Variants in MAPK13 observed in about 807,000 individuals in gnomAD.
MAPK13 encodes mitogen-activated protein kinase 13, also known as MAP kinase 13.
In MAPK13, 39 loss-of-function variants were observed where a neutral mutation model predicts 53.5. The observed-to-expected ratio is 0.73, with a 90% CI of 0.56 to 0.95. The LOEUF is 0.95. Among genes scored for constraint, MAPK13 ranks in the 40% least tolerant of loss-of-function variants. The pLI is 0.00. For missense variants in MAPK13, 460 were observed against 471.8 expected (o/e 0.98, Z 0.23); for synonymous variants, 179 against 190.9 (o/e 0.94, Z 0.51).
chr6:36,138,580 G>A (rs1766466478), intron 9 of MAPK13, 122 bp from the exon 10 acceptor site: 1 of 1,276,444 alleles, frequency 7.8e-7, no homozygotes, highest in Admixed American at 1.9e-5. Flanking sequence ...AGGCACTCTT[G>A]TCTTAATCTC....
intron 3 of MAPK13, among the ~76,000 whole-genome samples, chr6:36,133,372 G>C (rs570373071): frequency 2.8e-4 from 42 of 152,314 alleles, no homozygotes; most frequent in African/African-American, 9.4e-4. Flanking sequence ...CGGAGGCAGA[G>C]GGGGAGAGCC....
At chr6:36,139,273 A>C (rs769266698) in intron 11 of MAPK13, 21 bp from the exon 12 acceptor site, 3 of 1,611,056 alleles carry the variant, frequency 1.9e-6, no homozygotes, top group Non-Finnish European at 2.5e-6. Flanking sequence ...TACGCACCTT[A>C]AACCATGCTG....
Position 36,143,270 on chromosome 6 carries a change from C to CT in MAPK13, c.*3897_*3898insT, listed in dbSNP as rs1215291119. 2 of 151,994 alleles carry CT rather than the reference C, an allele frequency of 1.3e-5. No individual in the cohort carries two copies. Among genetic ancestry groups the CT allele is most frequent in the East Asian group, 1.9e-4 (1 of 5,144 alleles). 9.4% of individuals were successfully genotyped at this position (151,994 alleles called of 1,614,324 possible). On this transcript the variant is annotated 3_prime_UTR_variant, in exon 12 of 12. Transcript: ENST00000211287. ...GGCGTGGATTGGGGTGGTGCTGCCCCCAGTGAGGGGCAGCACAAGGGGAGA... is the reference window on the plus strand; with the variant it reads ...GGCGTGGATTGGGGTGGTGCTGCCCCTCAGTGAGGGGCAGCACAAGGGGAGA...
chr6:36,131,152 T>G, intron 1 of MAPK13, 119 bp from the exon 2 acceptor site: 4 of 1,216,784 alleles, frequency 3.3e-6, no homozygotes, highest in Non-Finnish European at 4.5e-6. Context: ...CTCCCCCATA[T>G]TCTAGGTGGT....
Position 36,139,976 on chromosome 6 carries a change from T to C in MAPK13, c.*603T>C, listed in dbSNP as rs1441561469. ...TTGGATTTAGGGCCCACCCTAATCC[T>C]GTGTGATCTTATCTTGATCCTTATT... On this transcript the variant is annotated 3_prime_UTR_variant, in exon 12 of 12. Transcript: ENST00000211287. 3 of 152,650 alleles carry C rather than the reference T, an allele frequency of 2.0e-5. No homozygotes were observed. Among genetic ancestry groups the C allele is most frequent in the African/African-American group, 7.2e-5 (3 of 41,474 alleles). 9.5% of individuals were successfully genotyped at this position (152,650 alleles called of 1,614,324 possible).
rs1460645651 is a variant in MAPK13, at chr6:36,144,495, T to A, written c.*5122T>A. 6.6e-6 allele frequency: 1 copy of A among 152,242 alleles called. No homozygotes were observed. Among genetic ancestry groups the A allele is most frequent in the East Asian group, 1.9e-4 (1 of 5,204 alleles). 9.4% of individuals were successfully genotyped at this position (152,242 alleles called of 1,614,324 possible). On this transcript the variant is annotated 3_prime_UTR_variant, in exon 12 of 12. Coordinates refer to ENST00000211287, the MANE Select transcript of MAPK13 (RefSeq NM_002754.5). ...TCATAACCAAGGAAATAGAAATGACTGAAAATAAAGTTGTATTCTATTCCA... is the reference window on the plus strand; with the variant it reads ...TCATAACCAAGGAAATAGAAATGACAGAAAATAAAGTTGTATTCTATTCCA...
In MAPK13 at chr6:36,136,700, T is replaced by A. The variant is rs1435995476; in HGVS notation, c.540T>A (p.Thr180=). ...CGCGACATGCAGACGCCGAGATGAC[T>A]GGCTACGTGGTGACCCGCTGGTACC... The part of the protein sequence containing the change: ...GLARHADAEM[T]GYVVTRWYRA... Residue 180 remains threonine, a synonymous_variant, in exon 7 of 12, where the codon ACT becomes ACA. Coordinates refer to ENST00000211287, the MANE Select transcript of MAPK13 (RefSeq NM_002754.5). 6.2e-7 allele frequency: 1 copy of A among 1,613,954 alleles called. No homozygotes were observed. The highest frequency in any genetic ancestry group is 8.5e-7 in the Non-Finnish European group (1 of 1,179,984).
Position 36,139,391 on chromosome 6 carries a change from C to T in MAPK13, c.*18C>T. 6.2e-7 allele frequency: 1 copy of T among 1,610,184 alleles called. No homozygotes were observed. The highest frequency in any genetic ancestry group is 1.1e-5 in the South Asian group (1 of 90,978). On this transcript the variant is annotated 3_prime_UTR_variant, in exon 12 of 12. Coordinates refer to ENST00000211287, the MANE Select transcript of MAPK13 (RefSeq NM_002754.5). ...AGCTGTAGGGACTCATCTTGCATGGCACCGCCGGCCAGACACTGCCCAAGG... is the reference window on the plus strand; with the variant it reads ...AGCTGTAGGGACTCATCTTGCATGGTACCGCCGGCCAGACACTGCCCAAGG...
Position 36,135,800 on chromosome 6 carries a change from G to A in MAPK13, c.356G>A (p.Gly119Glu), listed in dbSNP as rs751919900. The change falls in exon 4 of 12, where the codon GGG (glycine) becomes GAG (glutamate). Residue 119 changes from glycine to glutamate, a missense_variant. By Grantham distance (98) the Gly-to-Glu change is moderately conservative (BLOSUM62 -2). Coordinates refer to ENST00000211287, the MANE Select transcript of MAPK13 (RefSeq NM_002754.5). The stretch of plus-strand genomic sequence containing the variant: ...CAGACGGATCTGCAGAAGATCATGG[G>A]GATGGAGTTCAGTGAGGAGAAGATC... ...FMQTDLQKIM[G>E]MEFSEEKIQY... 2 of 1,614,094 alleles carry A rather than the reference G, an allele frequency of 1.2e-6. No individual in the cohort carries two copies. Among genetic ancestry groups the A allele is most frequent in the Middle Eastern group, 1.7e-4 (1 of 6,058 alleles).
rs1288349190 is a variant in MAPK13 at position 36,139,561 on chromosome 6, C to A, written c.*188C>A. 3.5e-6 allele frequency: 2 copies of A among 578,648 alleles called. No homozygotes were observed. The highest frequency in any genetic ancestry group is 6.2e-6 in the Non-Finnish European group (2 of 323,604). 35.8% of individuals were successfully genotyped at this position (578,648 alleles called of 1,614,324 possible). On this transcript the variant is annotated 3_prime_UTR_variant, in exon 12 of 12. Transcript: ENST00000211287. ...TCGGTTGGGAGAAACTAGCTCTGATCCTAACAGGCCACGTTAAACTGCCCA... is the reference window on the plus strand; with the variant it reads ...TCGGTTGGGAGAAACTAGCTCTGATACTAACAGGCCACGTTAAACTGCCCA...
At position 36,136,542 on chromosome 6, in the gene MAPK13, T is replaced by C; in HGVS notation, c.495+11T>C. The C allele has an allele frequency of 6.2e-7, 1 of 1,602,688 alleles. No individual in the cohort carries two copies. Among genetic ancestry groups the C allele is most frequent in the South Asian group, 1.1e-5 (1 of 88,962 alleles). Reference sequence around the variant, plus strand: ...GACTGTGAACTGAAGGTGAGTGGGCTGCAGGCTCAGCCCAGAGGCGGGATA... The same window carrying C: ...GACTGTGAACTGAAGGTGAGTGGGCCGCAGGCTCAGCCCAGAGGCGGGATA... On this transcript the variant is annotated intron_variant, in intron 6 of 11. Transcript: ENST00000211287.
intron 8 of MAPK13, among the ~76,000 whole-genome samples, chr6:36,137,782 C>G (rs967808417): frequency 3.3e-5 from 5 of 151,352 alleles, no homozygotes; most frequent in Non-Finnish European, 1.5e-5. Context: ...CCAACGTGGT[C>G]AAACCCCATC....
rs1253442385 is a variant in MAPK13 at position 36,144,381 on chromosome 6, TAG to T, written c.*5010_*5011del. 5 of 564 alleles carry T rather than the reference TAG, an allele frequency of 8.9e-3. No individual in the cohort carries two copies. Among genetic ancestry groups the T allele is most frequent in the African/African-American group, 0.038 (4 of 104 alleles). 0.0% of individuals were successfully genotyped at this position (564 alleles called of 1,614,324 possible). ...GATGAGTGTAAACAATATTTTAAGATAGATACCTGTGGCAAACTGTAAAGGGA... is the reference window on the plus strand; with the variant it reads ...GATGAGTGTAAACAATATTTTAAGATATACCTGTGGCAAACTGTAAAGGGA... On this transcript the variant is annotated 3_prime_UTR_variant, in exon 12 of 12. Coordinates refer to ENST00000211287, the MANE Select transcript of MAPK13 (RefSeq NM_002754.5).
chr6:36,138,495 G>C (rs536899147), intron 9 of MAPK13, 51 bp downstream of exon 9: 1 of 1,541,338 alleles, frequency 6.5e-7, no homozygotes, highest in Non-Finnish European at 8.9e-7. Context: ...CTTGCCTGAC[G>C]TGGGCCCAGT....
intron 4 of MAPK13, 33 bp from the exon 5 acceptor site, chr6:36,135,986 C>T (rs1393457184): frequency 6.2e-7 from 1 of 1,613,812 alleles, no homozygotes; most frequent in East Asian, 2.2e-5. Flanking sequence ...GGAAGCTGGG[C>T]CATGGACTCA....
Position 36,136,860 on chromosome 6 carries a change from A to T in MAPK13, c.611-19A>T. On this transcript the variant is annotated intron_variant, in intron 7 of 11. Transcript: ENST00000211287. ...CTGGGCCCCAGACAGTCCAGGTGACACTCTCCCTCCCTCTGCAGTGGACAT... is the reference window on the plus strand; with the variant it reads ...CTGGGCCCCAGACAGTCCAGGTGACTCTCTCCCTCCCTCTGCAGTGGACAT... 3 of 1,612,714 alleles carry T rather than the reference A, an allele frequency of 1.9e-6. No individual in the cohort carries two copies. The highest frequency in any genetic ancestry group is 1.7e-6 in the Non-Finnish European group (2 of 1,179,308).
In MAPK13 at chr6:36,132,668, C is replaced by T; in HGVS notation, c.297C>T (p.Asn99=). 7 of 1,614,240 alleles carry T rather than the reference C, an allele frequency of 4.3e-6. No individual in the cohort carries two copies. Among genetic ancestry groups the T allele is most frequent in the Non-Finnish European group, 5.1e-6 (6 of 1,180,038 alleles). The change falls in exon 3 of 12, where the codon AAC becomes AAT. Residue 99 remains asparagine, a synonymous_variant. Transcript: ENST00000211287. ...DVFTPASSLR[N]FYDFYLVMPF... ...TCACCCCAGCCTCCTCCCTGCGCAA[C>T]TTCTATGACTTGTGAGTTGGGCTGC...
Position 36,139,307 on chromosome 6 carries a change from G to A in MAPK13, c.1032G>A (p.Lys344=), listed in dbSNP as rs762324784. ...TVDEWKQHIY[K]EIVNFSPIAR... is the part of the protein sequence containing the mutation. ...TGCCTTTCTCAGAGCACATCTACAA[G>A]GAGATTGTGAACTTCAGCCCCATTG... Residue 344 remains lysine, a synonymous_variant, in exon 12 of 12, where the codon AAG becomes AAA. Transcript: ENST00000211287. 2 of 1,614,096 alleles carry A rather than the reference G, an allele frequency of 1.2e-6. No individual in the cohort carries two copies. Among genetic ancestry groups the A allele is most frequent in the Non-Finnish European group, 1.7e-6 (2 of 1,179,996 alleles).
chr6:36,135,313 A>G (rs190029000), intron 3 of MAPK13, among the ~76,000 whole-genome samples: 141 of 152,306 alleles, frequency 9.3e-4, no homozygotes, highest in African/African-American at 3.2e-3. Flanking sequence ...TCCTTCTTGG[A>G]AAGGTAGACA....
Sources: allele counts gnomAD v4.1 joint callset (sites outside exome capture counted in the v4.1 genomes callset), GRCh38; gene constraint gnomAD v4.1.1; transcripts MANE v1.5; gene names NCBI Gene and HGNC (gene_info 2026-07-23, HGNC 2026-07-21).